The following ZFPM2 variants were observed in gnomAD, a reference collection of about 807,000 sequenced individuals.
ZFPM2 encodes zinc finger protein, FOG family member 2.
A neutral mutation model predicts 98.6 loss-of-function variants in ZFPM2; 20 were observed. The ratio of observed to expected loss-of-function variants is 0.20; its 90% CI spans 0.14 to 0.29. ZFPM2 has a LOEUF of 0.29. ZFPM2 is among the 10% of genes least tolerant of loss of function. The probability of loss-of-function intolerance (pLI) is 1.00; values close to 1 mark genes in which losing one functional copy is unlikely to be tolerated. For missense variants in ZFPM2, 1,310 were observed against 1,388.6 expected (o/e 0.94, Z 0.90); for synonymous variants, 518 against 502.7 (o/e 1.03, Z -0.41).
At chr8:105,781,510 C>T (rs1426394459) in intron 5 of ZFPM2, among the ~76,000 whole-genome samples, 1 of 152,012 alleles carries the variant, frequency 6.6e-6, no homozygotes, top group African/African-American at 2.4e-5. Flanking sequence ...CCCTTGAGCT[C>T]AGGAGTTCGA....
At chr8:105,705,157 TA>T (rs1811227020) in intron 5 of ZFPM2, among the ~76,000 whole-genome samples, 1 of 152,154 alleles carries the variant, frequency 6.6e-6, no homozygotes. Flanking sequence ...AATTGATATA[TA>T]TATATATATG....
intron 4 of ZFPM2, among the ~76,000 whole-genome samples, chr8:105,613,980 C>T (rs187567947): frequency 6.6e-6 from 1 of 152,230 alleles, no homozygotes; most frequent in East Asian, 1.9e-4. Flanking sequence ...ATTTACATAA[C>T]AACTGGAGAC....
chr8:105,420,446 CT>C (rs1357485719), intron 2 of ZFPM2, among the ~76,000 whole-genome samples: 2 of 152,056 alleles, frequency 1.3e-5, no homozygotes, highest in Non-Finnish European at 2.9e-5. Context: ...AGTAGAACCC[CT>C]GGCTCTAAAA....
intron 1 of ZFPM2, among the ~76,000 whole-genome samples, chr8:105,417,605 A>G (rs1811704242): frequency 6.6e-6 from 1 of 152,164 alleles, no homozygotes; most frequent in African/African-American, 2.4e-5. Flanking sequence ...GTAATATTTT[A>G]CATTCTTACT....
chr8:105,772,666 G>A (rs1230404806), intron 5 of ZFPM2, among the ~76,000 whole-genome samples: 1 of 152,202 alleles, frequency 6.6e-6, no homozygotes, highest in East Asian at 1.9e-4. Context: ...GCAAATATCT[G>A]TTCAAAGAGT....
chr8:105,512,783 A>G (rs898252966), intron 3 of ZFPM2, among the ~76,000 whole-genome samples: 4 of 152,194 alleles, frequency 2.6e-5, no homozygotes, highest in African/African-American at 4.8e-5. Context: ...ATAAGAAGAC[A>G]GTGGATTGCT....
intron 5 of ZFPM2, among the ~76,000 whole-genome samples, chr8:105,770,449 A>C (rs1008172802): frequency 1.3e-5 from 2 of 152,128 alleles, no homozygotes; most frequent in African/African-American, 2.4e-5. Context: ...ATGCTCAAAA[A>C]TTTATTTCTC....
At chr8:105,445,920 CTTTTTTCTTTTT>C (rs1243751637) in intron 3 of ZFPM2, among the ~76,000 whole-genome samples, 1 of 149,660 alleles carries the variant, frequency 6.7e-6, no homozygotes, top group Non-Finnish European at 1.5e-5. Context: ...CTTTTCTTTT[CTTTTTTCTTTTT>C]TTTTTTGAGA....
intron 1 of ZFPM2, among the ~76,000 whole-genome samples, chr8:105,327,341 TTTTC>T (rs1243113179): frequency 6.6e-6 from 1 of 151,710 alleles, no homozygotes; most frequent in Non-Finnish European, 1.5e-5. Flanking sequence ...AGCAAACATT[TTTTC>T]TTTATTTTCT....
chr8:105,773,892 C>T (rs927552563), intron 5 of ZFPM2, among the ~76,000 whole-genome samples: 1 of 151,972 alleles, frequency 6.6e-6, no homozygotes, highest in Non-Finnish European at 1.5e-5. Context: ...ACTCATACTC[C>T]ATATCTTCTT....
chr8:105,383,018 A>G (rs978548016), intron 1 of ZFPM2, among the ~76,000 whole-genome samples: 10 of 152,248 alleles, frequency 6.6e-5, no homozygotes, highest in South Asian at 2.1e-4. Flanking sequence ...ATGAATAGGT[A>G]TTTGATGGAA....
At chr8:105,476,396 T>C (rs1190982626) in intron 3 of ZFPM2, among the ~76,000 whole-genome samples, 1 of 152,178 alleles carries the variant, frequency 6.6e-6, no homozygotes, top group East Asian at 1.9e-4. Context: ...GGTTGCACGC[T>C]CCTTATGATA....
rs368824133 is a variant in ZFPM2, at chr8:105,801,235, C to G, written c.1153C>G (p.His385Asp). 2.5e-6 allele frequency: 4 copies of G among 1,613,856 alleles called. No homozygotes were observed. The highest frequency in any genetic ancestry group is 3.4e-6 in the Non-Finnish European group (4 of 1,179,894). The change falls in exon 8 of 8, where the codon CAT becomes GAT. Residue 385 changes from histidine (H) to aspartate (D), a missense_variant. Transcript: ENST00000407775. The stretch of plus-strand genomic sequence containing the variant: ...GGAGTTATTGCAGCACCAGGAGCTC[C>G]ATGTCCCTAGCGGCAAACTTCCCAG... Reference protein sequence around the residue: ...QRELLQHQELHVPSGKLPRES... With the variant: ...QRELLQHQELDVPSGKLPRES...
rs141199905 is a variant in ZFPM2 at position 105,637,778 on chromosome 8, T to C, written c.532+3421T>C. 2.0e-4 allele frequency among the ~76,000 whole-genome samples: 31 copies of C among 152,216 alleles called. 1 individual carries two copies. Among genetic ancestry groups the C allele is most frequent in the Middle Eastern group, 3.4e-3 (1 of 294 alleles). The stretch of plus-strand genomic sequence containing the variant: ...AGGAGTCGTCTGTCTCCACAATCTG[T>C]ATGTATGATAAGACTCCTCAAAGCA... On this transcript the variant is annotated intron_variant, in intron 5 of 7. Coordinates refer to ENST00000407775, the MANE Select transcript of ZFPM2 (RefSeq NM_012082.4).
At chr8:105,746,652 A>T (rs2958707) in intron 5 of ZFPM2, among the ~76,000 whole-genome samples, 109,645 of 123,882 alleles carry the variant, frequency 0.89, 48,020 homozygotes, top group East Asian at 0.95. Context: ...TCTGTTTTTA[A>T]AAATTTTTTT....
At chr8:105,652,103 C>A (rs1474726331) in intron 5 of ZFPM2, among the ~76,000 whole-genome samples, 1 of 151,684 alleles carries the variant, frequency 6.6e-6, no homozygotes, top group Non-Finnish European at 1.5e-5. Flanking sequence ...CTTTGCATAG[C>A]AGCCATGCCA....
intron 1 of ZFPM2, among the ~76,000 whole-genome samples, chr8:105,327,911 A>T (rs1415066872): frequency 6.6e-6 from 1 of 151,814 alleles, no homozygotes; most frequent in Non-Finnish European, 1.5e-5. Flanking sequence ...GTCTCCTAAC[A>T]GTAAATGCCA....
At chr8:105,407,949 A>G (rs1204256286) in intron 1 of ZFPM2, among the ~76,000 whole-genome samples, 1 of 151,866 alleles carries the variant, frequency 6.6e-6, no homozygotes, top group Non-Finnish European at 1.5e-5. Context: ...TTTATGATAC[A>G]AGTATTGGAG....
intron 5 of ZFPM2, among the ~76,000 whole-genome samples, chr8:105,646,325 AGGGAGG>A (rs1423112378): frequency 1.3e-5 from 2 of 152,084 alleles, no homozygotes; most frequent in African/African-American, 2.4e-5. Flanking sequence ...AAACTGCAAA[AGGGAGG>A]GGTAGTGTCG....
Sources: gnomAD v4.1 joint callset for allele counts (sites outside exome capture counted in the v4.1 genomes callset) on GRCh38, gnomAD v4.1.1 for gene constraint, MANE v1.5 for transcripts, NCBI Gene and HGNC (gene_info 2026-07-23, HGNC 2026-07-21) for gene names.